Variants in NPAS2 observed in about 807,000 individuals in gnomAD.
The protein encoded by NPAS2 is neuronal PAS domain protein 2, also known as neuronal PAS domain-containing protein 2.
NPAS2 carries 23 observed loss-of-function variants against 107.5 expected under a neutral mutation model. That is an observed-to-expected ratio of 0.21 (90% confidence interval 0.15 to 0.30). The LOEUF is 0.30. Among genes scored for constraint, NPAS2 ranks in the 10% least tolerant of loss-of-function variants. The pLI, the probability that NPAS2 is intolerant of heterozygous loss-of-function variation, is 1.00. For synonymous variants in NPAS2, 403 were observed against 417.5 expected, an observed-to-expected ratio of 0.97 and a Z score of 0.42; for missense variants, 756 against 1,043.3, an observed-to-expected ratio of 0.72 and a Z score of 3.79.
At chr2:100,930,454 T>C (rs1450691993) in intron 3 of NPAS2, among the ~76,000 whole-genome samples, 2 of 152,168 alleles carry the variant, frequency 1.3e-5, no homozygotes, top group Non-Finnish European at 2.9e-5. Flanking sequence ...ACAAGTGATA[T>C]CAGAGTAGAA....
intron 7 of NPAS2, among the ~76,000 whole-genome samples, chr2:100,957,897 C>A (rs1675672691): frequency 6.6e-6 from 1 of 152,194 alleles, no homozygotes; most frequent in Non-Finnish European, 1.5e-5. Context: ...CACTGCACTC[C>A]AGCCTGGGCG....
Position 100,922,691 on chromosome 2 carries a change from T to G in NPAS2, c.33-2455T>G, listed in dbSNP as rs1026927880. On this transcript the variant is annotated intron_variant, in intron 2 of 20. Transcript: ENST00000335681. ...CTCGGGGCCTGCCGAGAGGACCTTCTTTTTGGAAATAAGGTCATTCCAGGC... is the reference window on the plus strand; with the variant it reads ...CTCGGGGCCTGCCGAGAGGACCTTCGTTTTGGAAATAAGGTCATTCCAGGC... Among the ~76,000 whole-genome samples, 4 of 152,114 alleles carry G rather than the reference T, an allele frequency of 2.6e-5. No individual in the cohort carries two copies. In the East Asian group the frequency reaches 5.8e-4, roughly 22 times the overall value.
At chr2:100,892,362 G>T (rs1213551523) in intron 1 of NPAS2, among the ~76,000 whole-genome samples, 1 of 152,104 alleles carries the variant, frequency 6.6e-6, no homozygotes, top group Non-Finnish European at 1.5e-5. Context: ...CAGATTCTTG[G>T]AAAAAGGAAA....
At chr2:100,933,863 C>T (rs1029229855) in intron 4 of NPAS2, among the ~76,000 whole-genome samples, 7 of 152,144 alleles carry the variant, frequency 4.6e-5, no homozygotes, top group Admixed American at 6.6e-5. Flanking sequence ...GGAAGTTAGA[C>T]GCTGGCTGTG....
chr2:100,957,740 C>T (rs1254940514), intron 7 of NPAS2, among the ~76,000 whole-genome samples: 1 of 151,966 alleles, frequency 6.6e-6, no homozygotes, highest in Non-Finnish European at 1.5e-5. Flanking sequence ...TCCTGGCTAA[C>T]ACAGTGAAAC....
At chr2:100,900,954 C>G (rs1324526998) in intron 1 of NPAS2, among the ~76,000 whole-genome samples, 1 of 151,954 alleles carries the variant, frequency 6.6e-6, no homozygotes, top group African/African-American at 2.4e-5. Flanking sequence ...TCTCAAACTC[C>G]TGGGTTCAAG....
At chr2:100,936,853 G>A (rs1327717450) in intron 4 of NPAS2, among the ~76,000 whole-genome samples, 2 of 151,892 alleles carry the variant, frequency 1.3e-5, no homozygotes, top group African/African-American at 4.8e-5. Context: ...CTGGTGGCAT[G>A]TGCCTGTAAT....
chr2:100,938,654 T>C lies in NPAS2; in HGVS notation c.363+812T>C, dbSNP rs73967998. 9.1e-3 allele frequency among the ~76,000 whole-genome samples: 841 copies of C among 92,668 alleles called. 5 individuals carry two copies. The highest frequency in any genetic ancestry group is 0.035 in the African/African-American group (786 of 22,546). 60.8% of individuals were successfully genotyped at this position (92,668 alleles called of 152,430 possible). ...AACCCCCAACACAGGATGAAGTGAC[T>C]CATGGGTCTGCACCTGGCTGGTGGA... On this transcript the variant is annotated intron_variant, in intron 5 of 20. Transcript: ENST00000335681.
At chr2:100,829,370 C>T (rs2104352229) in intron 1 of NPAS2, among the ~76,000 whole-genome samples, 1 of 152,178 alleles carries the variant, frequency 6.6e-6, no homozygotes, top group Non-Finnish European at 1.5e-5. Flanking sequence ...CCAGGCTGGT[C>T]TCGAACTCCT....
At chr2:100,901,251 A>C (rs1389152843) in intron 1 of NPAS2, among the ~76,000 whole-genome samples, 1 of 152,114 alleles carries the variant, frequency 6.6e-6, no homozygotes, top group Non-Finnish European at 1.5e-5. Context: ...AGTTTGTGGC[A>C]CAGGCTATAA....
intron 16 of NPAS2, chr2:100,987,780 T>C: frequency 2.6e-6 from 1 of 386,030 alleles, no homozygotes; most frequent in South Asian, 4.0e-5. Flanking sequence ...AACAAGTACA[T>C]CACATTATTT....
chr2:100,992,930 CTT>C (rs796643219), intron 19 of NPAS2, among the ~76,000 whole-genome samples: 4 of 143,872 alleles, frequency 2.8e-5, no homozygotes, highest in Admixed American at 7.0e-5. Flanking sequence ...ACAAAAGTTT[CTT>C]TTTTTTTTTT....
intron 1 of NPAS2, among the ~76,000 whole-genome samples, chr2:100,873,303 TATATACAC>T (rs771117418): frequency 0.14 from 6,519 of 45,492 alleles, 242 homozygotes; most frequent in South Asian, 0.23. Flanking sequence ...TATATATATA[TATATACAC>T]ACACACACAC....
intron 1 of NPAS2, among the ~76,000 whole-genome samples, chr2:100,890,999 A>G (rs183576391): frequency 2.6e-5 from 4 of 152,132 alleles, no homozygotes; most frequent in Non-Finnish European, 4.4e-5. Context: ...TTGGGAGGCC[A>G]AGGCGGGTGG....
At chr2:100,892,474 G>A (rs1210514744) in intron 1 of NPAS2, among the ~76,000 whole-genome samples, 1 of 152,164 alleles carries the variant, frequency 6.6e-6, no homozygotes, top group Admixed American at 6.5e-5. Context: ...GCTCATGAGA[G>A]TCTTGTCTTG....
chr2:100,936,389 A>G (rs1312695103), intron 4 of NPAS2, among the ~76,000 whole-genome samples: 1 of 152,196 alleles, frequency 6.6e-6, no homozygotes, highest in Non-Finnish European at 1.5e-5. Flanking sequence ...TTTCCTAAGC[A>G]GAAAAATGTC....
intron 4 of NPAS2, among the ~76,000 whole-genome samples, chr2:100,936,875 G>A (rs1231976615): frequency 6.6e-6 from 1 of 151,494 alleles, no homozygotes; most frequent in Non-Finnish European, 1.5e-5. Flanking sequence ...CCAGCTACTC[G>A]GGACACTGAA....
chr2:100,903,302 T>A (rs1158643723), intron 1 of NPAS2, among the ~76,000 whole-genome samples: 1 of 152,202 alleles, frequency 6.6e-6, no homozygotes, highest in African/African-American at 2.4e-5. Flanking sequence ...TGGAAAACAT[T>A]AAGCACAGGC....
intron 1 of NPAS2, among the ~76,000 whole-genome samples, chr2:100,837,760 G>A (rs144480681): frequency 6.6e-6 from 1 of 152,288 alleles, no homozygotes; most frequent in Non-Finnish European, 1.5e-5. Context: ...CCCTTTTCAA[G>A]CTGAAGTAAA....
Sources: gnomAD v4.1 joint callset for allele counts (sites outside exome capture counted in the v4.1 genomes callset) on GRCh38, gnomAD v4.1.1 for gene constraint, MANE v1.5 for transcripts, NCBI Gene and HGNC (gene_info 2026-07-23, HGNC 2026-07-21) for gene names.